RBFOX1: variants seen among roughly 807,000 people sequenced by gnomAD.
RBFOX1 encodes RNA binding fox-1 homolog 1.
RBFOX1 carries 8 observed loss-of-function variants against 57.7 expected under a neutral mutation model. That is an observed-to-expected ratio of 0.14 (90% CI 0.08 to 0.25). The LOEUF is 0.25. RBFOX1 is among the 10% of genes least tolerant of loss of function. The pLI is 1.00. For missense variants in RBFOX1, 611 were observed against 548.5 expected (o/e 1.11, Z -1.14); for synonymous variants, 326 against 222.4 (o/e 1.47, Z -4.15).
intron 2 of RBFOX1, among the ~76,000 whole-genome samples, chr16:6,599,043 G>A (rs1041579308): frequency 6.6e-6 from 1 of 152,234 alleles, no homozygotes; most frequent in Non-Finnish European, 1.5e-5. Flanking sequence ...TGTGAATAAT[G>A]GTTTTCTCTG....
At chr16:5,256,524 A>C (rs1156262402) in intron 1 of RBFOX1, among the ~76,000 whole-genome samples, 5 of 152,228 alleles carry the variant, frequency 3.3e-5, no homozygotes, top group Non-Finnish European at 7.3e-5. Context: ...TAGATGGCAG[A>C]TGAGAGCTCT....
At position 6,664,157 on chromosome 16, in the gene RBFOX1, C is replaced by T. The variant is rs139976700; in HGVS notation, c.-16+9507C>T. On this transcript the variant is annotated intron_variant, in intron 3 of 15. Transcript: ENST00000550418. ...GACTTCTGTCAGTTCCCTTCTGGTC[C>T]AGCCATCTCTAGCCAAGGAATGGGA... 1.0e-3 allele frequency among the ~76,000 whole-genome samples: 159 copies of T among 152,264 alleles called. 1 individual carries two copies. Among genetic ancestry groups the T allele is most frequent in the African/African-American group, 3.6e-3 (149 of 41,554 alleles).
intron 5 of RBFOX1, among the ~76,000 whole-genome samples, chr16:7,531,567 T>C (rs1311656678): frequency 6.6e-6 from 1 of 152,184 alleles, no homozygotes; most frequent in African/African-American, 2.4e-5. Context: ...TCTTACCCAG[T>C]CCATGCTGGG....
intron 1 of RBFOX1, among the ~76,000 whole-genome samples, chr16:6,300,636 T>C (rs1313381491): frequency 1.3e-5 from 2 of 152,182 alleles, no homozygotes; most frequent in African/African-American, 4.8e-5. Context: ...TCAATATCTT[T>C]CCCACATTCT....
At chr16:6,913,741 C>G (rs1375290372) in intron 3 of RBFOX1, among the ~76,000 whole-genome samples, 1 of 152,154 alleles carries the variant, frequency 6.6e-6, no homozygotes, top group African/African-American at 2.4e-5. Context: ...AGCCAAGCGT[C>G]TGGGCAGCCA....
intron 2 of RBFOX1, among the ~76,000 whole-genome samples, chr16:5,506,957 C>T (rs1321009768): frequency 1.3e-5 from 2 of 152,086 alleles, no homozygotes; most frequent in Non-Finnish European, 2.9e-5. Flanking sequence ...ACTCAAAAGC[C>T]CCGTCTCAGA....
chr16:7,042,892 C>T (rs947118229), intron 3 of RBFOX1, among the ~76,000 whole-genome samples: 3 of 152,144 alleles, frequency 2.0e-5, no homozygotes, highest in African/African-American at 7.2e-5. Flanking sequence ...CGCCACTGCA[C>T]TCCAGCCTGG....
intron 1 of RBFOX1, among the ~76,000 whole-genome samples, chr16:5,265,466 A>G (rs2062834872): frequency 6.6e-6 from 1 of 152,204 alleles, no homozygotes; most frequent in Admixed American, 6.5e-5. Context: ...TAAACACCTT[A>G]ATCATGAGAA....
chr16:7,033,022 C>T (rs1297807543), intron 3 of RBFOX1, among the ~76,000 whole-genome samples: 2 of 152,146 alleles, frequency 1.3e-5, no homozygotes, highest in East Asian at 3.8e-4. Context: ...ATAGCAGGAG[C>T]ACCTACTGTG....
At chr16:5,359,040 C>G (rs1457815425) in intron 1 of RBFOX1, among the ~76,000 whole-genome samples, 2 of 152,100 alleles carry the variant, frequency 1.3e-5, no homozygotes, top group Non-Finnish European at 2.9e-5. Flanking sequence ...GTTTATATCC[C>G]AGAAATTAGT....
chr16:5,812,043 G>T (rs886091716), intron 3 of RBFOX1, among the ~76,000 whole-genome samples: 4 of 152,152 alleles, frequency 2.6e-5, no homozygotes, highest in Non-Finnish European at 1.5e-5. Context: ...TAGAAAGAAC[G>T]TAGTCTTTTG....
chr16:7,635,384 T>C (rs886352025), intron 11 of RBFOX1, among the ~76,000 whole-genome samples: 1 of 152,224 alleles, frequency 6.6e-6, no homozygotes, highest in Non-Finnish European at 1.5e-5. Flanking sequence ...TAAATTACAA[T>C]AGTAACAGGT....
intron 4 of RBFOX1, among the ~76,000 whole-genome samples, chr16:7,107,317 C>G (rs569163183): frequency 6.6e-6 from 1 of 152,136 alleles, no homozygotes; most frequent in Non-Finnish European, 1.5e-5. Flanking sequence ...GGCAGACAGA[C>G]AGTAGATATT....
At chr16:6,036,740 G>A (rs2095370425) in intron 1 of RBFOX1, among the ~76,000 whole-genome samples, 1 of 152,076 alleles carries the variant, frequency 6.6e-6, no homozygotes, top group Admixed American at 6.5e-5. Context: ...AACTTAGATG[G>A]GAGGCACCAG....
At chr16:6,128,677 C>T (rs2096607530) in intron 1 of RBFOX1, among the ~76,000 whole-genome samples, 1 of 152,172 alleles carries the variant, frequency 6.6e-6, no homozygotes, top group African/African-American at 2.4e-5. Context: ...CATAAGTCTG[C>T]ATGGAATTTT....
chr16:7,023,206 G>A (rs1320199311), intron 3 of RBFOX1, among the ~76,000 whole-genome samples: 2 of 152,054 alleles, frequency 1.3e-5, no homozygotes, highest in Non-Finnish European at 2.9e-5. Context: ...GCTGGGCATG[G>A]TAGCTCATGA....
intron 3 of RBFOX1, among the ~76,000 whole-genome samples, chr16:5,864,908 T>A (rs748303296): frequency 5.9e-5 from 9 of 152,222 alleles, no homozygotes; most frequent in Non-Finnish European, 1.2e-4. Context: ...ACCCTGTACT[T>A]TAGTCATTAT....
chr16:5,368,987 A>G (rs1317497303), intron 1 of RBFOX1, among the ~76,000 whole-genome samples: 3 of 152,216 alleles, frequency 2.0e-5, no homozygotes, highest in Admixed American at 6.5e-5. Context: ...CATTGAAGAA[A>G]TGAAGACCAC....
chr16:5,735,221 G>A (rs906612754), intron 3 of RBFOX1, among the ~76,000 whole-genome samples: 1 of 152,138 alleles, frequency 6.6e-6, no homozygotes, highest in African/African-American at 2.4e-5. Context: ...TTAACTGAAG[G>A]AAGGGGTCAG....
Sources: gnomAD v4.1 joint callset for allele counts (sites outside exome capture counted in the v4.1 genomes callset) on GRCh38, gnomAD v4.1.1 for gene constraint, MANE v1.5 for transcripts, NCBI Gene and HGNC (gene_info 2026-07-23, HGNC 2026-07-21) for gene names.